The following ST6GALNAC3 variants were observed in gnomAD, a reference collection of about 807,000 sequenced individuals.
The protein encoded by ST6GALNAC3 is alpha-N-acetylgalactosaminide alpha-2,6-sialyltransferase 3.
Under a neutral mutation model 32.7 loss-of-function variants are expected in ST6GALNAC3, and 25 were observed. That is an observed-to-expected ratio of 0.76 (90% confidence interval 0.56 to 1.07). The LOEUF is 1.07. Among genes scored for constraint, ST6GALNAC3 ranks in the 50% least tolerant of loss-of-function variants. The pLI is 0.00. For synonymous variants in ST6GALNAC3, 129 were observed against 133.1 expected, an observed-to-expected ratio of 0.97 and a Z score of 0.21; for missense variants, 355 against 382.4, an observed-to-expected ratio of 0.93 and a Z score of 0.60.
At chr1:76,543,359 G>C (rs1036098676) in intron 3 of ST6GALNAC3, among the ~76,000 whole-genome samples, 2 of 152,132 alleles carry the variant, frequency 1.3e-5, no homozygotes, top group African/African-American at 4.8e-5. Context: ...ATGTAAATCT[G>C]ACTGGCTGGT....
intron 1 of ST6GALNAC3, among the ~76,000 whole-genome samples, chr1:76,185,103 G>A (rs1246552002): frequency 6.6e-6 from 1 of 152,138 alleles, no homozygotes; most frequent in Non-Finnish European, 1.5e-5. Context: ...GGATCAGAGA[G>A]GAAAACCAAC....
intron 3 of ST6GALNAC3, among the ~76,000 whole-genome samples, chr1:76,475,947 G>A (rs1353652165): frequency 6.6e-6 from 1 of 152,196 alleles, no homozygotes; most frequent in Admixed American, 6.5e-5. Context: ...AGAACATGCG[G>A]TGTTTGGTTT....
chr1:76,338,567 G>T (rs1316033649), intron 2 of ST6GALNAC3, among the ~76,000 whole-genome samples: 1 of 152,148 alleles, frequency 6.6e-6, no homozygotes, highest in Non-Finnish European at 1.5e-5. Context: ...GGCTTATTTT[G>T]CACCCATGGG....
chr1:76,523,191 A>T (rs1479129253), intron 3 of ST6GALNAC3, among the ~76,000 whole-genome samples: 1 of 152,198 alleles, frequency 6.6e-6, no homozygotes, highest in Non-Finnish European at 1.5e-5. Flanking sequence ...AACTAGATAG[A>T]ACATGACTGG....
At chr1:76,326,839 T>C (rs1451318701) in intron 2 of ST6GALNAC3, among the ~76,000 whole-genome samples, 1 of 151,202 alleles carries the variant, frequency 6.6e-6, no homozygotes, top group Non-Finnish European at 1.5e-5. Flanking sequence ...TTTTTTTTTT[T>C]TTTTGCATTG....
chr1:76,599,773 C>T (rs192337179), intron 3 of ST6GALNAC3, among the ~76,000 whole-genome samples: 72 of 144,094 alleles, frequency 5.0e-4, no homozygotes, highest in African/African-American at 1.8e-3. Flanking sequence ...TAATGTTGCT[C>T]AGAAAATATA....
chr1:76,091,859 G>A (rs1175745895), intron 1 of ST6GALNAC3, among the ~76,000 whole-genome samples: 1 of 152,194 alleles, frequency 6.6e-6, no homozygotes, highest in Non-Finnish European at 1.5e-5. Context: ...ACTTACGGAT[G>A]TGGTTCTCAG....
intron 1 of ST6GALNAC3, among the ~76,000 whole-genome samples, chr1:76,138,189 T>C (rs1039421691): frequency 1.3e-5 from 2 of 152,214 alleles, no homozygotes; most frequent in African/African-American, 2.4e-5. Context: ...TTGAAAATAT[T>C]TCATTTTTTT....
At chr1:76,527,063 CTTGAA>C (rs901357619) in intron 3 of ST6GALNAC3, among the ~76,000 whole-genome samples, 62 of 152,150 alleles carry the variant, frequency 4.1e-4, no homozygotes, top group Admixed American at 3.8e-3. Context: ...TTGAATTAGA[CTTGAA>C]TTGAATTGAA....
chr1:76,522,765 A>G (rs1312512897), intron 3 of ST6GALNAC3, among the ~76,000 whole-genome samples: 1 of 152,172 alleles, frequency 6.6e-6, no homozygotes, highest in African/African-American at 2.4e-5. Flanking sequence ...GGAAGGTGGA[A>G]TTAAAGCGGT....
chr1:76,214,409 T>A (rs72675924), intron 1 of ST6GALNAC3, among the ~76,000 whole-genome samples: 5 of 151,880 alleles, frequency 3.3e-5, no homozygotes, highest in Non-Finnish European at 7.4e-5. Context: ...GAAAAAAAAT[T>A]TTTTTTTTGA....
At chr1:76,534,418 G>C (rs1227890986) in intron 3 of ST6GALNAC3, among the ~76,000 whole-genome samples, 1 of 152,080 alleles carries the variant, frequency 6.6e-6, no homozygotes, top group Non-Finnish European at 1.5e-5. Flanking sequence ...ACTCTTCGCT[G>C]TCTTCATAAT....
At chr1:76,557,588 G>A (rs315049) in intron 3 of ST6GALNAC3, among the ~76,000 whole-genome samples, 56,419 of 151,762 alleles carry the variant, frequency 0.37, 12,478 homozygotes, top group African/African-American at 0.63. Flanking sequence ...GCCTTATGGA[G>A]CAAATACTCC....
intron 1 of ST6GALNAC3, among the ~76,000 whole-genome samples, chr1:76,094,467 G>T (rs566613511): frequency 1.3e-5 from 2 of 152,256 alleles, no homozygotes; most frequent in African/African-American, 2.4e-5. Context: ...CTCCTTTGGG[G>T]TTAGTTACTA....
At chr1:76,190,361 G>A (rs1031158127) in intron 1 of ST6GALNAC3, among the ~76,000 whole-genome samples, 3 of 152,172 alleles carry the variant, frequency 2.0e-5, no homozygotes, top group African/African-American at 4.8e-5. Flanking sequence ...TCTTGCTGCC[G>A]TGGAGTGGCT....
Position 76,627,453 on chromosome 1 carries a change from G to A in ST6GALNAC3, c.625G>A (p.Val209Ile). Reference sequence around the variant, plus strand: ...ATTGTTTGTTTTCATTTCCCTCAGAGTCCAGTCTGGCTCATATCTCAGCAC... The same window carrying A: ...ATTGTTTGTTTTCATTTCCCTCAGAATCCAGTCTGGCTCATATCTCAGCAC... ...VFKKETGKDR[V>I]QSGSYLSTGW... Residue 209 changes from valine to isoleucine, a missense_variant and splice_region_variant, in exon 4 of 5, where the codon GTC (valine) becomes ATC (isoleucine). Coordinates refer to ENST00000328299, the MANE Select transcript of ST6GALNAC3 (RefSeq NM_152996.4). 1.2e-6 allele frequency: 2 copies of A among 1,604,956 alleles called. No homozygotes were observed. The highest frequency in any genetic ancestry group is 1.7e-6 in the Non-Finnish European group (2 of 1,172,312).
intron 2 of ST6GALNAC3, among the ~76,000 whole-genome samples, chr1:76,341,605 T>TTTGCTTTC (rs952057105): frequency 1.1e-5 from 1 of 91,186 alleles, no homozygotes; most frequent in Non-Finnish European, 2.2e-5. Flanking sequence ...TCCAAACTGC[T>TTTGCTTTC]TTTCTTTCTT....
intron 1 of ST6GALNAC3, among the ~76,000 whole-genome samples, chr1:76,296,588 A>T (rs1331670494): frequency 1.3e-5 from 2 of 152,022 alleles, no homozygotes; most frequent in African/African-American, 2.4e-5. Flanking sequence ...ACCATGCTTT[A>T]TCTTAGAAAC....
intron 1 of ST6GALNAC3, among the ~76,000 whole-genome samples, chr1:76,258,234 G>A (rs978806290): frequency 6.6e-6 from 1 of 152,100 alleles, no homozygotes; most frequent in African/African-American, 2.4e-5. Context: ...AATAAGATGA[G>A]GTGTTAAGTT....
Sources: allele counts gnomAD v4.1 joint callset (sites outside exome capture counted in the v4.1 genomes callset), GRCh38; gene constraint gnomAD v4.1.1; transcripts MANE v1.5; gene names NCBI Gene and HGNC (gene_info 2026-07-23, HGNC 2026-07-21).